TNRC6A: variants seen among roughly 807,000 people sequenced by gnomAD.
The protein encoded by TNRC6A is trinucleotide repeat-containing gene 6A protein.
A neutral mutation model predicts 221.2 loss-of-function variants in TNRC6A; 44 were observed. The observed-to-expected ratio is 0.20, with a 90% CI of 0.16 to 0.26. The LOEUF (loss-of-function observed/expected upper bound fraction) is 0.26. Among genes scored for constraint, TNRC6A ranks in the 10% least tolerant of loss-of-function variants. TNRC6A has a pLI of 1.00. For synonymous variants in TNRC6A, 847 were observed against 838.5 expected, an observed-to-expected ratio of 1.01 and a Z score of -0.18; for missense variants, 2,199 against 2,404.4, an observed-to-expected ratio of 0.91 and a Z score of 1.79.
rs746176011 is a variant in TNRC6A, at chr16:24,791,578, C to T, written c.2936C>T (p.Ala979Val). The change falls in exon 6 of 25, where the codon GCA becomes GTA. Residue 979 changes from alanine to valine, a missense_variant. By Grantham distance (64) the Ala-to-Val change is moderately conservative (BLOSUM62 0). Transcript: ENST00000395799. ...CTGGGGGGACCTATACCAGCCCCAG[C>T]AAAAGAAGAAGAACCCACAGGCTGG... ...GWLGGPIPAP[A>V]KEEEPTGWEE... 1.3e-6 allele frequency: 2 copies of T among 1,575,708 alleles called. No homozygotes were observed. Among genetic ancestry groups the T allele is most frequent in the Non-Finnish European group, 1.7e-6 (2 of 1,164,426 alleles).
At chr16:24,701,241 G>A (rs1167601781) in intron 2 of TNRC6A, among the ~76,000 whole-genome samples, 1 of 152,208 alleles carries the variant, frequency 6.6e-6, no homozygotes, top group East Asian at 1.9e-4. Flanking sequence ...GACTGCAGGG[G>A]GAGCTTCAGG....
intron 16 of TNRC6A, 99 bp downstream of exon 16, chr16:24,806,382 A>C: frequency 6.7e-7 from 1 of 1,484,348 alleles, no homozygotes; most frequent in South Asian, 1.2e-5. Flanking sequence ...TCTTAAAACA[A>C]TCTTACTAAG....
rs72768686 is a variant in TNRC6A at position 24,765,905 on chromosome 16, A to G, written c.163+7545A>G. ...ACTCAGGGAGGCTATGAAGAATGCTAAGGAGACCCGTTTTGGCTTTAGGCA... is the reference window on the plus strand; with the variant it reads ...ACTCAGGGAGGCTATGAAGAATGCTGAGGAGACCCGTTTTGGCTTTAGGCA... On this transcript the variant is annotated intron_variant, in intron 4 of 24. Transcript: ENST00000395799. Among the ~76,000 whole-genome samples the G allele has an allele frequency of 8.2e-3, 1,254 of 152,328 alleles. 10 individuals carry two copies. The highest frequency in any genetic ancestry group is 0.041 in the Middle Eastern group (12 of 294).
chr16:24,664,343 AAAT>A (rs1222874934), intron 2 of TNRC6A, among the ~76,000 whole-genome samples: 6 of 149,596 alleles, frequency 4.0e-5, no homozygotes, highest in African/African-American at 1.5e-4. Flanking sequence ...ATAAAATTCC[AAAT>A]AATAAATAAA....
chr16:24,775,752 T>C (rs1226872262), intron 4 of TNRC6A, among the ~76,000 whole-genome samples: 1 of 152,096 alleles, frequency 6.6e-6, no homozygotes, highest in Non-Finnish European at 1.5e-5. Context: ...TAGTGGGCTG[T>C]TTTAATTCCA....
At chr16:24,689,429 A>G (rs2055705963) in intron 2 of TNRC6A, among the ~76,000 whole-genome samples, 1 of 152,212 alleles carries the variant, frequency 6.6e-6, no homozygotes, top group Non-Finnish European at 1.5e-5. Flanking sequence ...GACATTTAGG[A>G]GTGAAGGCTG....
At chr16:24,817,979 G>A (rs2058688234) in intron 20 of TNRC6A, among the ~76,000 whole-genome samples, 1 of 152,198 alleles carries the variant, frequency 6.6e-6, no homozygotes, top group African/African-American at 2.4e-5. Context: ...TCTTTAAGAT[G>A]GGGTAATCTG....
At chr16:24,700,728 G>A (rs1031344432) in intron 2 of TNRC6A, among the ~76,000 whole-genome samples, 5 of 152,116 alleles carry the variant, frequency 3.3e-5, no homozygotes, top group African/African-American at 1.2e-4. Context: ...TAGCCAGTGA[G>A]ATGCTGTCCT....
rs1408801672 is a variant in TNRC6A at position 24,820,167 on chromosome 16, G to T, written c.5109G>T (p.Trp1703Cys). 6.2e-7 allele frequency: 1 copy of T among 1,613,966 alleles called. No homozygotes were observed. Among genetic ancestry groups the T allele is most frequent in the Non-Finnish European group, 8.5e-7 (1 of 1,180,008 alleles). ...SARNSDSKLT[W>C]SPGSVTNTSL... ...GAAATAGTGATTCCAAATTGACATG[G>T]TCTCCTGGTTCAGTTACAAACACCT... is the stretch of plus-strand genomic sequence containing the variant. Residue 1703 changes from tryptophan to cysteine, a missense_variant, in exon 22 of 25, where the codon TGG becomes TGT. By Grantham distance (215) the Trp-to-Cys change is radical. Transcript: ENST00000395799.
At chr16:24,755,847 T>C (rs2151461633) in intron 3 of TNRC6A, among the ~76,000 whole-genome samples, 1 of 152,354 alleles carries the variant, frequency 6.6e-6, no homozygotes, top group East Asian at 1.9e-4. Flanking sequence ...ATTTTGCTTC[T>C]AGATTGGCCA....
chr16:24,737,087 C>T (rs1208756071), intron 2 of TNRC6A, among the ~76,000 whole-genome samples: 2 of 152,000 alleles, frequency 1.3e-5, no homozygotes, highest in Non-Finnish European at 2.9e-5. Flanking sequence ...GTTCTCATCC[C>T]GATGCCACAG....
At chr16:24,798,016 T>C in intron 11 of TNRC6A, 50 bp downstream of exon 11, 1 of 1,516,582 alleles carries the variant, frequency 6.6e-7, no homozygotes, top group East Asian at 2.3e-5. Context: ...GACACGCACA[T>C]CCATGACATG....
intron 2 of TNRC6A, among the ~76,000 whole-genome samples, chr16:24,651,878 C>T (rs1035908165): frequency 4.0e-5 from 6 of 150,362 alleles, no homozygotes; most frequent in Non-Finnish European, 7.4e-5. Flanking sequence ...AAGGGAGGAT[C>T]GCTTGAGGTC....
intron 2 of TNRC6A, among the ~76,000 whole-genome samples, chr16:24,746,824 G>A (rs2057020447): frequency 1.3e-5 from 2 of 152,146 alleles, no homozygotes; most frequent in Admixed American, 1.3e-4. Context: ...AGTGTCAGGA[G>A]GCGCAAGAGT....
chr16:24,779,308 CAAAA>C (rs1276885410), intron 5 of TNRC6A, among the ~76,000 whole-genome samples: 2 of 152,040 alleles, frequency 1.3e-5, no homozygotes, highest in Admixed American at 6.6e-5. Flanking sequence ...GATTCAATCT[CAAAA>C]AACAACTAGA....
At chr16:24,710,225 CAA>C (rs57375431) in intron 2 of TNRC6A, among the ~76,000 whole-genome samples, 37,109 of 129,388 alleles carry the variant, frequency 0.29, 7,733 homozygotes, top group East Asian at 0.72. Context: ...AACTTCATCT[CAA>C]AAAAAAAAAA....
At chr16:24,808,506 C>A (rs531127141) in intron 17 of TNRC6A, among the ~76,000 whole-genome samples, 7 of 152,350 alleles carry the variant, frequency 4.6e-5, no homozygotes, top group Admixed American at 3.9e-4. Context: ...ATGTGGCCCA[C>A]AGAGCCTGAG....
Position 24,790,658 on chromosome 16 carries a change from C to T in TNRC6A, c.2016C>T (p.Ser672=), listed in dbSNP as rs13336754. 0.25 allele frequency: 403,740 copies of T among 1,613,824 alleles called. 54,150 individuals are homozygous for T. The highest frequency in any genetic ancestry group is 0.29 in the African/African-American group (21,609 of 74,886). Residue 672 remains serine, a synonymous_variant, in exon 6 of 25, where the codon AGC becomes AGT. Coordinates refer to ENST00000395799, the MANE Select transcript of TNRC6A (RefSeq NM_014494.4). ...CCAAAACAGGAGGTACAGTGGAGAGCGATGGTAGTACAGAAAGCACTGGAC... is the reference window on the plus strand; with the variant it reads ...CCAAAACAGGAGGTACAGTGGAGAGTGATGGTAGTACAGAAAGCACTGGAC... ...VWAKTGGTVE[S]DGSTESTGRL...
At chr16:24,799,156 T>G (rs2058281128) in intron 11 of TNRC6A, among the ~76,000 whole-genome samples, 1 of 152,136 alleles carries the variant, frequency 6.6e-6, no homozygotes, top group Non-Finnish European at 1.5e-5. Flanking sequence ...AGACCAGAAC[T>G]AAGAAACCAA....
Sources: gnomAD v4.1 joint callset for allele counts (sites outside exome capture counted in the v4.1 genomes callset) on GRCh38, gnomAD v4.1.1 for gene constraint, MANE v1.5 for transcripts, NCBI Gene and HGNC (gene_info 2026-07-23, HGNC 2026-07-21) for gene names.